CYP2B6: variants seen among roughly 807,000 people sequenced by gnomAD.
CYP2B6 encodes the protein cytochrome P450 family 2 subfamily B member 6.
CYP2B6 carries 35 observed loss-of-function variants against 43.4 expected under a neutral mutation model. That is an observed-to-expected ratio of 0.81 (90% CI 0.62 to 1.07). The LOEUF is 1.07. Ranked by LOEUF, CYP2B6 falls within the 50% of genes least tolerant of loss-of-function variation. The probability of loss-of-function intolerance (pLI) is 0.00; values close to 1 mark genes in which losing one functional copy is unlikely to be tolerated. For missense variants in CYP2B6, 624 were observed against 632.8 expected (o/e 0.99, Z 0.15); for synonymous variants, 239 against 239.2 (o/e 1.00, Z 0.01).
intron 1 of CYP2B6, among the ~76,000 whole-genome samples, chr19:40,999,729 C>T (rs1042248411): frequency 6.6e-6 from 1 of 152,010 alleles, no homozygotes; most frequent in Non-Finnish European, 1.5e-5. Flanking sequence ...CAGTCTGTTA[C>T]CCAGGCTGGA....
chr19:41,014,743 GA>G (rs1361184654), intron 8 of CYP2B6, among the ~76,000 whole-genome samples: 3 of 151,702 alleles, frequency 2.0e-5, no homozygotes, highest in Admixed American at 6.6e-5. Flanking sequence ...GCCAGTGGCA[GA>G]AAGACAGAGG....
chr19:41,002,469 C>T lies in CYP2B6; in HGVS notation c.172-1532C>T, dbSNP rs1244595830. Among the ~76,000 whole-genome samples, 4 of 152,094 alleles carry T rather than the reference C, an allele frequency of 2.6e-5. No homozygotes were observed. The East Asian group carries it at 7.7e-4, about 29-fold the overall frequency. ...AGCAAGAATGCCCCGAAACCCTGCA[C>T]CCTGTTCTTTTCTATTCACTATCCA... is the stretch of plus-strand genomic sequence containing the variant. On this transcript the variant is annotated intron_variant, in intron 1 of 8. Transcript: ENST00000324071.
At chr19:40,994,626 C>G (rs1056272399) in intron 1 of CYP2B6, among the ~76,000 whole-genome samples, 1 of 152,072 alleles carries the variant, frequency 6.6e-6, no homozygotes, top group Non-Finnish European at 1.5e-5. Flanking sequence ...CATGCCTGGC[C>G]ACTTTACATA....
chr19:41,012,239 C>G lies in CYP2B6; in HGVS notation c.965-59C>G, dbSNP rs766968788. The G allele has an allele frequency of 3.2e-6, 5 of 1,551,934 alleles. No individual in the cohort carries two copies. In the East Asian group the frequency reaches 1.1e-4, roughly 35 times the overall value. On this transcript the variant is annotated intron_variant, in intron 6 of 8. Transcript: ENST00000324071. Reference sequence around the variant, plus strand: ...TGCTGGGATTACAGGCATGAGCCACCATGCCTGGCCTGAAATGCCTCTTTA... The same window carrying G: ...TGCTGGGATTACAGGCATGAGCCACGATGCCTGGCCTGAAATGCCTCTTTA...
intron 3 of CYP2B6, among the ~76,000 whole-genome samples, chr19:41,004,684 A>T (rs558885996): frequency 1.3e-3 from 199 of 152,050 alleles, no homozygotes; most frequent in African/African-American, 4.6e-3. Context: ...CCAGGTGTAT[A>T]ATGTCCAAGA....
chr19:41,001,713 C>T (rs1969091605), intron 1 of CYP2B6, among the ~76,000 whole-genome samples: 1 of 152,134 alleles, frequency 6.6e-6, no homozygotes, highest in South Asian at 2.1e-4. Context: ...TCACTGGGCA[C>T]TTTCTATGTA....
intron 1 of CYP2B6, among the ~76,000 whole-genome samples, chr19:40,997,341 C>T (rs1599842229): frequency 6.6e-6 from 1 of 151,978 alleles, no homozygotes; most frequent in African/African-American, 2.4e-5. Flanking sequence ...ATCCATCAAC[C>T]CACTTTCCAA....
At position 41,012,330 on chromosome 19, in the gene CYP2B6, G is replaced by A. The variant is rs758110901; in HGVS notation, c.997G>A (p.Gly333Ser). The A allele has an allele frequency of 6.8e-6, 11 of 1,613,970 alleles. No individual in the cohort carries two copies. In the Admixed American group the frequency reaches 1.7e-4, roughly 24 times the overall value. ...RVYREIEQVI[G>S]PHRPPELHDR... ...CTACAGGGAGATTGAACAGGTGATT[G>A]GCCCACATCGCCCTCCAGAGCTTCA... The change falls in exon 7 of 9, where the codon GGC becomes AGC. Residue 333 changes from glycine (G) to serine (S), a missense_variant. Coordinates refer to ENST00000324071, the MANE Select transcript of CYP2B6 (RefSeq NM_000767.5).
chr19:40,991,299 C>G lies in CYP2B6; in HGVS notation c.-7C>G. 6.2e-7 allele frequency: 1 copy of G among 1,614,002 alleles called. No homozygotes were observed. ...GCAGCAGGGTGCAGGGCAGTCAGAC[C>G]AGGACCATGGAACTCAGCGTCCTCC... On this transcript the variant is annotated 5_prime_UTR_variant, in exon 1 of 9. Coordinates refer to ENST00000324071, the MANE Select transcript of CYP2B6 (RefSeq NM_000767.5).
intron 4 of CYP2B6, among the ~76,000 whole-genome samples, chr19:41,008,057 T>G (rs1339362974): frequency 4.1e-5 from 6 of 147,600 alleles, no homozygotes; most frequent in East Asian, 2.0e-4. Context: ...CCCTCTGTGT[T>G]TTTTTTTTTA....
chr19:41,000,503 G>T lies in CYP2B6; in HGVS notation c.172-3498G>T, dbSNP rs79490588. 1.1e-4 allele frequency among the ~76,000 whole-genome samples: 16 copies of T among 152,328 alleles called. No homozygotes were observed. The East Asian group carries it at 1.9e-3, about 18-fold the overall frequency. On this transcript the variant is annotated intron_variant, in intron 1 of 8. Transcript: ENST00000324071. ...GCCTGGCCCTCAGTAGGGGGTGGCAGATCTGGGGATCCCTCTTCACCAAAT... is the reference window on the plus strand; with the variant it reads ...GCCTGGCCCTCAGTAGGGGGTGGCATATCTGGGGATCCCTCTTCACCAAAT...
In CYP2B6 at chr19:41,012,426, A is replaced by G. The variant is rs1221778001; in HGVS notation, c.1093A>G (p.Met365Val). The change falls in exon 7 of 9, where the codon ATG (methionine) becomes GTG (valine). Residue 365 changes from methionine (M) to valine (V), a missense_variant. Met to Val is a conservative substitution (Grantham distance 21). Coordinates refer to ENST00000324071, the MANE Select transcript of CYP2B6 (RefSeq NM_000767.5). The stretch of plus-strand genomic sequence containing the variant: ...TCAGAGATTTTCCGACCTTCTCCCC[A>G]TGGGTGTGCCCCACATTGTCACCCA... The part of the protein sequence containing the change: ...EIQRFSDLLP[M>V]GVPHIVTQHT... 6.2e-7 allele frequency: 1 copy of G among 1,614,028 alleles called. No individual in the cohort carries two copies. The highest frequency in any genetic ancestry group is 1.7e-5 in the Admixed American group (1 of 60,014).
chr19:41,004,130 A>T lies in CYP2B6; in HGVS notation c.301A>T (p.Ile101Phe). The change falls in exon 2 of 9, where the codon ATC becomes TTC. Residue 101 changes from isoleucine to phenylalanine, a missense_variant. Transcript: ENST00000324071. The part of the protein sequence containing the change: ...KAEAFSGRGK[I>F]AMVDPFFRGY... ...TGAGGCCTTCTCTGGCCGGGGAAAAATCGCCATGGTCGACCCATTCTTCCG... is the reference window on the plus strand; with the variant it reads ...TGAGGCCTTCTCTGGCCGGGGAAAATTCGCCATGGTCGACCCATTCTTCCG... 1.3e-6 allele frequency: 2 copies of T among 1,518,210 alleles called. No homozygotes were observed. Among genetic ancestry groups the T allele is most frequent in the South Asian group, 1.1e-5 (1 of 89,602 alleles). 94.0% of individuals were successfully genotyped at this position (1,518,210 alleles called of 1,614,324 possible).
intron 5 of CYP2B6, 183 bp downstream of exon 5, chr19:41,009,578 G>A (rs2279344): frequency 0.66 from 447,274 of 679,622 alleles, 150,721 homozygotes; most frequent in African/African-American, 0.84. Context: ...GGTGAAAGGA[G>A]GGAGAAAATA....
chr19:41,001,725 C>G (rs963009443), intron 1 of CYP2B6, among the ~76,000 whole-genome samples: 20 of 152,140 alleles, frequency 1.3e-4, no homozygotes, highest in African/African-American at 4.1e-4. Flanking sequence ...TTCTATGTAC[C>G]AGGAAATAGT....
At chr19:40,995,824 C>T (rs1161921147) in intron 1 of CYP2B6, among the ~76,000 whole-genome samples, 3 of 152,040 alleles carry the variant, frequency 2.0e-5, no homozygotes, top group Non-Finnish European at 4.4e-5. Context: ...TGTTGCGGGA[C>T]AATCAAAGAC....
At chr19:41,011,732 GGT>G (rs1290776732) in intron 6 of CYP2B6, among the ~76,000 whole-genome samples, 200 of 151,982 alleles carry the variant, frequency 1.3e-3, no homozygotes, top group African/African-American at 4.7e-3. Context: ...GCAAAATCGT[GGT>G]GTGTGTGTGC....
intron 1 of CYP2B6, among the ~76,000 whole-genome samples, chr19:41,001,284 A>G (rs1205769115): frequency 6.6e-6 from 1 of 152,112 alleles, no homozygotes; most frequent in Non-Finnish European, 1.5e-5. Context: ...ATGTTTGCAT[A>G]AAGTTGTGAG....
chr19:41,010,022 G>A lies in CYP2B6; in HGVS notation c.851G>A (p.Ser284Asn). ...KEKSNAHSEF[S>N]HQNLNLNTLS... is the part of the protein sequence containing the mutation. ...AAATCCAACGCACACAGTGAATTCAGCCACCAGAACCTCAACCTCAACACG... is the reference window on the plus strand; with the variant it reads ...AAATCCAACGCACACAGTGAATTCAACCACCAGAACCTCAACCTCAACACG... Residue 284 changes from serine (S) to asparagine (N), a missense_variant, in exon 6 of 9, where the codon AGC (serine) becomes AAC (asparagine). Transcript: ENST00000324071. The A allele has an allele frequency of 6.2e-7, 1 of 1,614,118 alleles. No homozygotes were observed. The highest frequency in any genetic ancestry group is 2.2e-5 in the East Asian group (1 of 44,862).
Sources: allele counts gnomAD v4.1 joint callset (sites outside exome capture counted in the v4.1 genomes callset), GRCh38; gene constraint gnomAD v4.1.1; transcripts MANE v1.5; gene names NCBI Gene and HGNC (gene_info 2026-07-23, HGNC 2026-07-21).